Variants in CTC1 observed in about 807,000 individuals in gnomAD.
CTC1 encodes CST telomere replication complex component 1.
In CTC1, 91 loss-of-function variants were observed where a neutral mutation model predicts 136.3. The ratio of observed to expected loss-of-function variants is 0.67; its 90% CI spans 0.56 to 0.79. The LOEUF is 0.79. Ranked by LOEUF, CTC1 falls within the 30% of genes least tolerant of loss-of-function variation. The pLI, the probability that CTC1 is intolerant of heterozygous loss-of-function variation, is 0.00. For missense variants in CTC1, 1,432 were observed against 1,498.1 expected, an observed-to-expected ratio of 0.96 and a Z score of 0.73; for synonymous variants, 606 against 613.8, an observed-to-expected ratio of 0.99 and a Z score of 0.19.
chr17:8,248,031 C>T lies in CTC1; in HGVS notation c.6G>A (p.Ala2=), dbSNP rs777656768. Residue 2 remains alanine, a synonymous_variant, in exon 1 of 23, where the codon GCG becomes GCA. Coordinates refer to ENST00000651323, the MANE Select transcript of CTC1 (RefSeq NM_025099.6). ...AGGAAGGGACCTGGGCCCGGCCAGC[C>T]GCCATGATGCGCCGGAGCTCCGCCC... M[A]AGRAQVPSSE... is the part of the protein sequence containing the mutation. 8.7e-6 allele frequency: 14 copies of T among 1,607,000 alleles called. No homozygotes were observed. Among genetic ancestry groups the T allele is most frequent in the Admixed American group, 3.4e-5 (2 of 59,500 alleles).
At chr17:8,228,425 C>G (rs1040901932) in intron 22 of CTC1, 78 bp downstream of exon 22, 1 of 1,610,316 alleles carries the variant, frequency 6.2e-7, no homozygotes, top group African/African-American at 1.3e-5. Context: ...GTCCCTCATC[C>G]CTCTTCCTCC....
rs772166289 is a variant in CTC1 at position 8,228,233 on chromosome 17, T to G, written c.3601A>C (p.Ile1201Leu). ...GAGCTGGAGTACTCTGACTCTCGGATAGAAAGGCAGGACAATCGGAGCCTG... is the reference window on the plus strand; with the variant it reads ...GAGCTGGAGTACTCTGACTCTCGGAGAGAAAGGCAGGACAATCGGAGCCTG... The part of the protein sequence containing the change: ...NPRLRLSCLS[I>L]RESEYSSSLG... Residue 1201 changes from isoleucine (I) to leucine (L), a missense_variant, in exon 23 of 23, where the codon ATC becomes CTC. Transcript: ENST00000651323. 6 of 1,613,962 alleles carry G rather than the reference T, an allele frequency of 3.7e-6. No individual in the cohort carries two copies. In the Admixed American group the frequency reaches 1.0e-4, roughly 27 times the overall value.
Position 8,230,284 on chromosome 17 carries a change from A to C in CTC1, c.2933+10T>G. ...AGCAAGAGGAGGCAGGTGACACTAC[A>C]CATCTTCACCTGGAAACCCTTTTCT... On this transcript the variant is annotated intron_variant, in intron 17 of 22. Transcript: ENST00000651323. The C allele has an allele frequency of 2.5e-6, 4 of 1,606,182 alleles. No individual in the cohort carries two copies. Among genetic ancestry groups the C allele is most frequent in the Non-Finnish European group, 3.4e-6 (4 of 1,176,876 alleles).
chr17:8,229,140 A>G lies in CTC1; in HGVS notation c.3221+2T>C, dbSNP rs1381641458. The G allele has an allele frequency of 6.2e-7, 1 of 1,613,476 alleles. No individual in the cohort carries two copies. The highest frequency in any genetic ancestry group is 1.3e-5 in the African/African-American group (1 of 74,900). ...CAATGGGTGCACGCCTTGTGCTCTC[A>G]CCTGATGATGGCCTGGCTTATAGCT... On this transcript the variant is annotated splice_donor_variant, in intron 20 of 22. Coordinates refer to ENST00000651323, the MANE Select transcript of CTC1 (RefSeq NM_025099.6). LOFTEE classifies it high-confidence loss of function.
In CTC1 at chr17:8,228,791, A is replaced by G. The variant is rs1445322884; in HGVS notation, c.3323T>C (p.Leu1108Pro). 4.3e-6 allele frequency: 7 copies of G among 1,613,978 alleles called. No individual in the cohort carries two copies. The highest frequency in any genetic ancestry group is 5.9e-6 in the Non-Finnish European group (7 of 1,179,994). The change falls in exon 21 of 23, where the codon CTA becomes CCA. Residue 1108 changes from leucine (L) to proline (P), a missense_variant. Transcript: ENST00000651323. ...TCTGCCTGGCACTTGGACGAAATCT[A>G]GGAGGGAGGCCCACTCTCTAGGACA... Reference protein sequence around the residue: ...GLCPREWASLLDFVQVPGRVV... With the variant: ...GLCPREWASLPDFVQVPGRVV...
chr17:8,238,079 G>A lies in CTC1; in HGVS notation c.599C>T (p.Pro200Leu), dbSNP rs1456198284. The A allele has an allele frequency of 1.2e-6, 2 of 1,614,170 alleles. No individual in the cohort carries two copies. Among genetic ancestry groups the A allele is most frequent in the Admixed American group, 1.7e-5 (1 of 60,028 alleles). The change falls in exon 4 of 23, where the codon CCT becomes CTT. Residue 200 changes from proline to leucine, a missense_variant. Physicochemically the swap from Pro to Leu is moderately conservative, Grantham distance 98. Transcript: ENST00000651323. The stretch of plus-strand genomic sequence containing the variant: ...ACTCTCTGGGTAGAGGACAGGGATA[G>A]GCGTGACGGGGCCAGGACTGATGGT... The part of the protein sequence containing the change: ...PLTISPGPVT[P>L]IPVLYPESAS...
At position 8,226,939 on chromosome 17, in the gene CTC1, G is replaced by C. The variant is rs1887278449; in HGVS notation, c.*1241C>G. On this transcript the variant is annotated 3_prime_UTR_variant, in exon 23 of 23. Coordinates refer to ENST00000651323, the MANE Select transcript of CTC1 (RefSeq NM_025099.6). ...AACTGGCTCCGGGTAGAAACTTCCG[G>C]ATAACAGCAGAGGGTCAGAAAACAA... The C allele has an allele frequency of 6.6e-6, 1 of 152,050 alleles. No homozygotes were observed. Among genetic ancestry groups the C allele is most frequent in the Non-Finnish European group, 1.5e-5 (1 of 68,008 alleles). 9.4% of individuals were successfully genotyped at this position (152,050 alleles called of 1,614,324 possible). A position where few individuals can be genotyped will look rare whatever the true frequency, so the allele number is the denominator to read the frequency against.
chr17:8,228,648 G>A lies in CTC1; in HGVS notation c.3388-19C>T, dbSNP rs1354476016. On this transcript the variant is annotated intron_variant, in intron 21 of 22. Transcript: ENST00000651323. ...CTGAAGACTAGAAAGAGAAGGTCAA[G>A]GTTAACTGGCTCCTAAACCCTTTGC... is the stretch of plus-strand genomic sequence containing the variant. The A allele has an allele frequency of 1.2e-5, 20 of 1,613,806 alleles. No homozygotes were observed. The highest frequency in any genetic ancestry group is 1.6e-5 in the Non-Finnish European group (19 of 1,179,960).
Position 8,231,512 on chromosome 17 carries a change from G to C in CTC1, c.2476-43C>G, listed in dbSNP as rs1359120945. The stretch of plus-strand genomic sequence containing the variant: ...GACGACTGCCTGTGAGTGTGTGCTA[G>C]TCCAGTGGGAGGTTCACAAAACATT... On this transcript the variant is annotated intron_variant, in intron 14 of 22. Coordinates refer to ENST00000651323, the MANE Select transcript of CTC1 (RefSeq NM_025099.6). 2.6e-6 allele frequency: 4 copies of C among 1,537,770 alleles called. No homozygotes were observed. In the South Asian group the frequency reaches 4.8e-5, roughly 19 times the overall value.
chr17:8,241,237 G>A (rs544821415), intron 2 of CTC1, among the ~76,000 whole-genome samples: 25 of 152,288 alleles, frequency 1.6e-4, no homozygotes, highest in African/African-American at 4.6e-4. Flanking sequence ...GCAGTGAGCC[G>A]AGATGATGCC....
At chr17:8,233,809 C>T (rs1987449266) in intron 10 of CTC1, among the ~76,000 whole-genome samples, 1 of 151,116 alleles carries the variant, frequency 6.6e-6, no homozygotes, top group African/African-American at 2.4e-5. Flanking sequence ...CGGTGGTGAA[C>T]GCCCGTAGTC....
intron 4 of CTC1, among the ~76,000 whole-genome samples, 193 bp from the exon 5 acceptor site, chr17:8,237,712 G>A (rs1456156864): frequency 7.9e-6 from 1 of 127,110 alleles, no homozygotes; most frequent in African/African-American, 2.9e-5. Context: ...AGCAGCAGCA[G>A]TCATCTTTAT....
At position 8,228,576 on chromosome 17, in the gene CTC1, A is replaced by G. The variant is rs201644249; in HGVS notation, c.3441T>C (p.Thr1147=). The change falls in exon 22 of 23, where the codon ACT becomes ACC. Residue 1147 remains threonine (T), a synonymous_variant. Coordinates refer to ENST00000651323, the MANE Select transcript of CTC1 (RefSeq NM_025099.6). ...PMTMFLWTLC[T]SPSVLRPIVL... ...CAATAGGACGGAGGACAGAGGGGCT[A>G]GTACAAAGTGTCCAGAGGAACATGG... 13 of 1,614,204 alleles carry G rather than the reference A, an allele frequency of 8.1e-6. No individual in the cohort carries two copies. In the Admixed American group the frequency reaches 2.2e-4, roughly 27 times the overall value.
chr17:8,231,137 T>C, intron 15 of CTC1, 139 bp downstream of exon 15: 1 of 705,420 alleles, frequency 1.4e-6, no homozygotes, highest in Non-Finnish European at 2.3e-6. Flanking sequence ...TGAGACTCCG[T>C]CTCAAAAAAA....
At chr17:8,228,946 C>T in intron 20 of CTC1, 54 bp from the exon 21 acceptor site, 3 of 1,562,574 alleles carry the variant, frequency 1.9e-6, no homozygotes, top group Non-Finnish European at 2.6e-6. Flanking sequence ...GTTGCCAACA[C>T]CCTGGACCCA....
Position 8,231,349 on chromosome 17 carries a change from G to A in CTC1, c.2596C>T (p.Gln866Ter), listed in dbSNP as rs1303118257. Reference protein sequence around the residue: ...DNWTLELESSQDIQDVLDANK... With the variant: ...DNWTLELESS ...GCATCCAGCACATCTTGGATATCCT[G>A]GGAGCTTTCAAGCTCCAGAGTCCAG... The change falls in exon 15 of 23, where the codon CAG becomes TAG. Residue 866 changes from glutamine to a stop codon, truncating the protein, a stop_gained. Transcript: ENST00000651323. LOFTEE classifies it high-confidence loss of function. 1.2e-6 allele frequency: 2 copies of A among 1,611,516 alleles called. No individual in the cohort carries two copies. The highest frequency in any genetic ancestry group is 4.5e-5 in the East Asian group (2 of 44,748).
chr17:8,243,237 G>A (rs1988424686), intron 1 of CTC1, 89 bp from the exon 2 acceptor site: 12 of 1,304,098 alleles, frequency 9.2e-6, no homozygotes, highest in South Asian at 1.5e-5. Flanking sequence ...AAAAATATCC[G>A]GGCCGGGTGC....
In CTC1 at chr17:8,225,914, G is replaced by A. The variant is rs911510456; in HGVS notation, c.*2266C>T. 2 of 152,046 alleles carry A rather than the reference G, an allele frequency of 1.3e-5. No homozygotes were observed. The highest frequency in any genetic ancestry group is 4.8e-5 in the African/African-American group (2 of 41,378). The allele number at this position is 152,046 out of a possible 1,614,324, so 9.4% of individuals were successfully genotyped here. On this transcript the variant is annotated 3_prime_UTR_variant, in exon 23 of 23. Transcript: ENST00000651323. ...AAACAAAGTGGCTCAGGTTCTAGGG[G>A]ACGTCCTAGGGTGGAGAAAGAGGCC...
rs3027246 is a variant in CTC1 at position 8,227,905 on chromosome 17, C to T, written c.*275G>A. ...AAGTCTTTTGTTCCCTCAGCTCCTG[C>T]GACAAAGTCAGAACCCAGGTGCTCA... On this transcript the variant is annotated 3_prime_UTR_variant, in exon 23 of 23. Coordinates refer to ENST00000651323, the MANE Select transcript of CTC1 (RefSeq NM_025099.6). The T allele has an allele frequency of 0.16, 57,256 of 347,944 alleles. 5,889 individuals carry two copies. Among genetic ancestry groups the T allele is most frequent in the Non-Finnish European group, 0.22 (40,812 of 185,852 alleles). 21.6% of individuals were successfully genotyped at this position (347,944 alleles called of 1,614,324 possible).
Sources: allele counts gnomAD v4.1 joint callset (sites outside exome capture counted in the v4.1 genomes callset), GRCh38; gene constraint gnomAD v4.1.1; transcripts MANE v1.5; gene names NCBI Gene and HGNC (gene_info 2026-07-23, HGNC 2026-07-21).